INPP4B: variants seen among roughly 807,000 people sequenced by gnomAD.
The protein encoded by INPP4B is inositol polyphosphate 4-phosphatase type II.
A neutral mutation model predicts 122.5 loss-of-function variants in INPP4B; 55 were observed. That is an observed-to-expected ratio of 0.45 (90% CI 0.36 to 0.56). The LOEUF is 0.56. Ranked by LOEUF, INPP4B falls within the 20% of genes least tolerant of loss-of-function variation. INPP4B has a pLI of 0.00. For synonymous variants in INPP4B, 403 were observed against 388.7 expected, an observed-to-expected ratio of 1.04 and a Z score of -0.43; for missense variants, 1,000 against 1,097.7, an observed-to-expected ratio of 0.91 and a Z score of 1.26.
chr4:142,420,146 T>C (rs1327151942), intron 5 of INPP4B, among the ~76,000 whole-genome samples: 25 of 152,098 alleles, frequency 1.6e-4, no homozygotes, highest in Admixed American at 1.6e-3. Flanking sequence ...AAATAACTAA[T>C]AAATAATTTG....
At chr4:142,268,601 T>C (rs1744187994) in intron 10 of INPP4B, among the ~76,000 whole-genome samples, 1 of 151,984 alleles carries the variant, frequency 6.6e-6, no homozygotes. Context: ...GTGGAAGCAA[T>C]CTTAGTGTCC....
chr4:142,711,979 T>A lies in INPP4B; in HGVS notation c.-191+13860A>T, dbSNP rs975581. On this transcript the variant is annotated intron_variant, in intron 2 of 25. Transcript: ENST00000262992. Reference sequence around the variant, plus strand: ...ATGAGAATGGCTTGAATGCAGGAGGTGGAGGTTTCAGTGAGCTGAGATTGT... The same window carrying A: ...ATGAGAATGGCTTGAATGCAGGAGGAGGAGGTTTCAGTGAGCTGAGATTGT... Among the ~76,000 whole-genome samples, 3 of 152,288 alleles carry A rather than the reference T, an allele frequency of 2.0e-5. No homozygotes were observed. The East Asian group carries it at 5.8e-4, about 29-fold the overall frequency.
At chr4:142,774,314 T>C (rs1773527582) in intron 1 of INPP4B, among the ~76,000 whole-genome samples, 1 of 152,130 alleles carries the variant, frequency 6.6e-6, no homozygotes, top group Non-Finnish European at 1.5e-5. Context: ...CTTGTACAAC[T>C]GTTCTTCACT....
intron 1 of INPP4B, among the ~76,000 whole-genome samples, chr4:142,776,711 T>C (rs1005944193): frequency 5.3e-5 from 8 of 152,196 alleles, no homozygotes; most frequent in Non-Finnish European, 1.2e-4. Flanking sequence ...ATTCTATTTA[T>C]ATTGAATATT....
chr4:142,636,926 C>T (rs953735577), intron 2 of INPP4B, among the ~76,000 whole-genome samples: 1 of 151,866 alleles, frequency 6.6e-6, no homozygotes, highest in African/African-American at 2.4e-5. Flanking sequence ...ATGATTCTTC[C>T]TATAGATGAT....
At chr4:142,301,520 C>T (rs945121389) in intron 9 of INPP4B, among the ~76,000 whole-genome samples, 1 of 152,090 alleles carries the variant, frequency 6.6e-6, no homozygotes, top group Non-Finnish European at 1.5e-5. Flanking sequence ...GAATTTTAGA[C>T]AAGTTGCTAT....
intron 7 of INPP4B, among the ~76,000 whole-genome samples, chr4:142,338,565 G>A (rs1366459558): frequency 6.6e-6 from 1 of 152,192 alleles, no homozygotes; most frequent in Non-Finnish European, 1.5e-5. Context: ...CTGCTATATG[G>A]AAATCTGCTC....
intron 24 of INPP4B, among the ~76,000 whole-genome samples, chr4:142,085,314 G>C (rs1776225443): frequency 6.6e-6 from 1 of 152,210 alleles, no homozygotes; most frequent in Admixed American, 6.5e-5. Flanking sequence ...AGAATGAATA[G>C]AGTATGCAAG....
At chr4:142,340,534 A>G (rs767166193) in intron 7 of INPP4B, among the ~76,000 whole-genome samples, 1 of 152,050 alleles carries the variant, frequency 6.6e-6, no homozygotes. Flanking sequence ...CAGCCTCCCT[A>G]GAAGCCAGGA....
intron 11 of INPP4B, among the ~76,000 whole-genome samples, chr4:142,251,861 T>C (rs1358917582): frequency 1.3e-5 from 2 of 152,218 alleles, no homozygotes. Context: ...TTGTGTATTA[T>C]TCATTAACCT....
At chr4:142,169,345 C>T (rs1008996569) in intron 16 of INPP4B, among the ~76,000 whole-genome samples, 4 of 151,474 alleles carry the variant, frequency 2.6e-5, no homozygotes, top group African/African-American at 7.3e-5. Flanking sequence ...AAAAAACAAA[C>T]AAAATTTCTA....
intron 17 of INPP4B, among the ~76,000 whole-genome samples, chr4:142,151,325 A>T (rs1206900125): frequency 1.3e-5 from 2 of 152,122 alleles, no homozygotes; most frequent in African/African-American, 4.8e-5. Context: ...ACACACACAC[A>T]CATTCACTAA....
chr4:142,545,814 CAT>C (rs1829567104), intron 2 of INPP4B, among the ~76,000 whole-genome samples: 6 of 116,872 alleles, frequency 5.1e-5, no homozygotes, highest in African/African-American at 7.0e-5. Context: ...TACACATATA[CAT>C]GTGTGTATAT....
chr4:142,302,388 T>C (rs1248791626), intron 9 of INPP4B, among the ~76,000 whole-genome samples: 1 of 152,148 alleles, frequency 6.6e-6, no homozygotes, highest in African/African-American at 2.4e-5. Flanking sequence ...TTTCAACTAG[T>C]TCTCTGTTTT....
At chr4:142,764,034 T>C (rs1291390326) in intron 1 of INPP4B, among the ~76,000 whole-genome samples, 1 of 152,150 alleles carries the variant, frequency 6.6e-6, no homozygotes, top group Admixed American at 6.6e-5. Flanking sequence ...CAAAAAGTTA[T>C]GACAGAATGC....
chr4:142,566,384 AAGG>A (rs1368294077), intron 2 of INPP4B, among the ~76,000 whole-genome samples: 1 of 152,182 alleles, frequency 6.6e-6, no homozygotes, highest in Non-Finnish European at 1.5e-5. Flanking sequence ...ATTGAATGTG[AAGG>A]AGATGTAAAA....
At chr4:142,306,029 G>A (rs917964922) in intron 8 of INPP4B, 11 of 628,012 alleles carry the variant, frequency 1.8e-5, no homozygotes, top group Non-Finnish European at 2.2e-5. Flanking sequence ...CCCCATCACA[G>A]CAATGTTTAA....
chr4:142,221,554 T>C (rs1849403319), intron 12 of INPP4B, among the ~76,000 whole-genome samples: 2 of 152,102 alleles, frequency 1.3e-5, no homozygotes, highest in South Asian at 4.1e-4. Context: ...GACAGTATGA[T>C]GCCAGCCTTT....
chr4:142,733,942 A>G (rs1179010555), intron 1 of INPP4B, among the ~76,000 whole-genome samples: 1 of 152,232 alleles, frequency 6.6e-6, no homozygotes. Context: ...TTACATGAAC[A>G]ATATGAATAT....
Sources: gnomAD v4.1 joint callset for allele counts (sites outside exome capture counted in the v4.1 genomes callset) on GRCh38, gnomAD v4.1.1 for gene constraint, MANE v1.5 for transcripts, NCBI Gene and HGNC (gene_info 2026-07-23, HGNC 2026-07-21) for gene names.